The following CDH8 variants were observed in gnomAD, a reference collection of about 807,000 sequenced individuals.
The protein encoded by CDH8 is cadherin 8, also known as cadherin-8.
CDH8 carries 17 observed loss-of-function variants against 68.1 expected under a neutral mutation model. That is an observed-to-expected ratio of 0.25 (90% CI 0.17 to 0.37). CDH8 has a LOEUF of 0.37. Ranked by LOEUF, CDH8 falls within the 10% of genes least tolerant of loss-of-function variation. CDH8 has a pLI of 1.00. For missense variants in CDH8, 763 were observed against 999.3 expected (o/e 0.76, Z 3.19); for synonymous variants, 372 against 365.1 (o/e 1.02, Z -0.21).
intron 2 of CDH8, among the ~76,000 whole-genome samples, chr16:62,016,588 C>G (rs1413502234): frequency 6.6e-6 from 1 of 152,146 alleles, no homozygotes; most frequent in African/African-American, 2.4e-5. Flanking sequence ...GCTAAGTGTC[C>G]CATGAGCCAC....
chr16:61,921,855 C>A (rs1479823884), intron 2 of CDH8, among the ~76,000 whole-genome samples: 4 of 152,122 alleles, frequency 2.6e-5, no homozygotes, highest in Admixed American at 2.6e-4. Context: ...CATGGTGAAA[C>A]CCCATCTCTA....
intron 2 of CDH8, among the ~76,000 whole-genome samples, chr16:61,924,435 C>G (rs1206979541): frequency 6.6e-6 from 1 of 152,072 alleles, no homozygotes; most frequent in Admixed American, 6.6e-5. Flanking sequence ...AAATATCAGG[C>G]CAAAGTTACC....
At chr16:61,996,963 T>C (rs1197431119) in intron 2 of CDH8, among the ~76,000 whole-genome samples, 4 of 151,616 alleles carry the variant, frequency 2.6e-5, no homozygotes, top group Non-Finnish European at 4.4e-5. Flanking sequence ...GTTAATACAC[T>C]TCAAACAAGT....
chr16:61,773,991 A>T (rs1315488086), intron 8 of CDH8, among the ~76,000 whole-genome samples: 1 of 152,058 alleles, frequency 6.6e-6, no homozygotes, highest in Non-Finnish European at 1.5e-5. Context: ...TAGTACTGAA[A>T]TGCCAGTTGG....
At chr16:61,858,045 G>C (rs1471521745) in intron 3 of CDH8, among the ~76,000 whole-genome samples, 1 of 151,290 alleles carries the variant, frequency 6.6e-6, no homozygotes, top group Non-Finnish European at 1.5e-5. Flanking sequence ...CAAGTATATT[G>C]TTGGCAGACA....
intron 2 of CDH8, among the ~76,000 whole-genome samples, chr16:61,930,271 ACAC>A (rs1225615316): frequency 1.5e-5 from 1 of 65,028 alleles, no homozygotes; most frequent in Non-Finnish European, 2.5e-5. Flanking sequence ...AAGTTAGAAA[ACAC>A]ACACACACAC....
In CDH8 at chr16:61,820,990, C is replaced by T. The variant is rs1419379407; in HGVS notation, c.959G>A (p.Gly320Glu). 1 of 1,612,920 alleles carries T rather than the reference C, an allele frequency of 6.2e-7. No homozygotes were observed. Among genetic ancestry groups the T allele is most frequent in the East Asian group, 2.2e-5 (1 of 44,818 alleles). Residue 320 changes from glycine to glutamate, a missense_variant, in exon 6 of 12, where the codon GGA (glycine) becomes GAA (glutamate). By Grantham distance (98) the Gly-to-Glu change is moderately conservative. This residue lies in a region of CDH8 where 366 missense variants were observed against 563.1 expected (regional missense o/e 0.65). Coordinates refer to ENST00000577390, the MANE Select transcript of CDH8 (RefSeq NM_001796.5). Reference sequence around the variant, plus strand: ...AGAAGTGATTTCAAAAAGTGCTGTTCCATCTCCATCGATGATATCATATGA... The same window carrying T: ...AGAAGTGATTTCAAAAAGTGCTGTTTCATCTCCATCGATGATATCATATGA... Reference protein sequence around the residue: ...QSSYDIIDGDGTALFEITSDA... With the variant: ...QSSYDIIDGDETALFEITSDA...
intron 1 of CDH8, among the ~76,000 whole-genome samples, chr16:62,029,638 C>T (rs188116948): frequency 1.8e-3 from 271 of 152,318 alleles, no homozygotes; most frequent in African/African-American, 6.2e-3. Context: ...GAGCTATTCT[C>T]TTTCAATCAA....
At chr16:61,960,394 C>A (rs1404535928) in intron 2 of CDH8, among the ~76,000 whole-genome samples, 2 of 131,184 alleles carry the variant, frequency 1.5e-5, no homozygotes, top group Non-Finnish European at 3.2e-5. Context: ...TGTGTATACA[C>A]ATACATATAT....
At chr16:61,815,039 G>A (rs1275331762) in intron 7 of CDH8, among the ~76,000 whole-genome samples, 1 of 152,146 alleles carries the variant, frequency 6.6e-6, no homozygotes, top group South Asian at 2.1e-4. Flanking sequence ...TAAATGCTTT[G>A]AAACAGCATT....
At chr16:61,758,486 G>T (rs1465008812) in intron 8 of CDH8, among the ~76,000 whole-genome samples, 1 of 152,122 alleles carries the variant, frequency 6.6e-6, no homozygotes, top group Admixed American at 6.6e-5. Context: ...AGGCTGGAGT[G>T]CAATGGCATG....
intron 2 of CDH8, among the ~76,000 whole-genome samples, chr16:62,000,613 A>T (rs1965879168): frequency 6.6e-6 from 1 of 152,246 alleles, no homozygotes; most frequent in South Asian, 2.1e-4. Context: ...CAACTAATAA[A>T]CATTTACTTT....
At chr16:61,697,130 C>G (rs1184470040) in intron 10 of CDH8, among the ~76,000 whole-genome samples, 1 of 152,032 alleles carries the variant, frequency 6.6e-6, no homozygotes, top group Non-Finnish European at 1.5e-5. Flanking sequence ...ATTGATTTAC[C>G]TCTGGGAAGC....
chr16:62,025,049 G>T (rs965312944), intron 1 of CDH8, among the ~76,000 whole-genome samples: 2 of 152,128 alleles, frequency 1.3e-5, no homozygotes, highest in Admixed American at 1.3e-4. Context: ...AAGAAATACA[G>T]AGTGATGGGT....
intron 2 of CDH8, among the ~76,000 whole-genome samples, chr16:61,927,223 G>A (rs965135256): frequency 1.3e-5 from 2 of 151,990 alleles, no homozygotes; most frequent in African/African-American, 2.4e-5. Context: ...ATTGCTACAG[G>A]GATAATACTA....
intron 4 of CDH8, among the ~76,000 whole-genome samples, chr16:61,850,747 A>G (rs1193536570): frequency 6.6e-6 from 1 of 151,966 alleles, no homozygotes; most frequent in Non-Finnish European, 1.5e-5. Context: ...TTCTTAAACT[A>G]CCATTAGTTT....
intron 10 of CDH8, among the ~76,000 whole-genome samples, chr16:61,659,271 G>A (rs571716307): frequency 5.9e-5 from 9 of 152,218 alleles, no homozygotes; most frequent in East Asian, 3.9e-4. Flanking sequence ...CAAGAAAATC[G>A]ACTAGAGCTT....
chr16:61,834,356 C>A (rs1962523143), intron 4 of CDH8, among the ~76,000 whole-genome samples: 1 of 151,720 alleles, frequency 6.6e-6, no homozygotes. Flanking sequence ...TCCATCACAG[C>A]CTGAGTCACA....
intron 3 of CDH8, among the ~76,000 whole-genome samples, chr16:61,857,872 T>C (rs1049018385): frequency 1.3e-5 from 2 of 151,948 alleles, no homozygotes; most frequent in African/African-American, 4.8e-5. Flanking sequence ...TATAAAAATA[T>C]AGGGGAAATT....
Sources: allele counts gnomAD v4.1 joint callset (sites outside exome capture counted in the v4.1 genomes callset), GRCh38; gene constraint gnomAD v4.1.1; regional missense constraint gnomAD v4.1.1; transcripts MANE v1.5; gene names NCBI Gene and HGNC (gene_info 2026-07-23, HGNC 2026-07-21).